The following MCTP1 variants were observed in gnomAD, a reference collection of about 807,000 sequenced individuals.
The protein encoded by MCTP1 is multiple C2 and transmembrane domain-containing protein 1.
Under a neutral mutation model 120.6 loss-of-function variants are expected in MCTP1, and 69 were observed. The observed-to-expected ratio is 0.57, with a 90% CI of 0.47 to 0.70. MCTP1 has a LOEUF of 0.70. Ranked by LOEUF, MCTP1 falls within the 30% of genes least tolerant of loss-of-function variation. MCTP1 has a pLI of 0.00. For synonymous variants in MCTP1, 529 were observed against 493.1 expected (o/e 1.07, Z -0.96); for missense variants, 1,203 against 1,248.8 (o/e 0.96, Z 0.55).
chr5:94,739,153 T>C (rs1218970412), intron 19 of MCTP1: 1 of 152,268 alleles, frequency 6.6e-6, no homozygotes, highest in African/African-American at 2.4e-5. Context: ...CATTTCACTT[T>C]GTATTTGCAG....
chr5:94,955,175 C>A (rs1822245193), intron 2 of MCTP1, among the ~76,000 whole-genome samples: 4 of 152,158 alleles, frequency 2.6e-5, no homozygotes, highest in Non-Finnish European at 5.9e-5. Flanking sequence ...TCGGGGAACT[C>A]CTTCCCCTAC....
chr5:94,875,586 A>G (rs1165163505), intron 12 of MCTP1, among the ~76,000 whole-genome samples: 2 of 152,002 alleles, frequency 1.3e-5, no homozygotes, highest in Non-Finnish European at 2.9e-5. Context: ...AAGAGTTAGG[A>G]GGCAATTGCA....
chr5:94,951,660 T>C (rs1218715865), intron 3 of MCTP1, among the ~76,000 whole-genome samples: 1 of 152,186 alleles, frequency 6.6e-6, no homozygotes, highest in Non-Finnish European at 1.5e-5. Context: ...ACTTGTCTTT[T>C]CTTTATTCCT....
In MCTP1 at chr5:94,780,116, G is replaced by T. The variant is rs536588359; in HGVS notation, c.2557-953C>A. On this transcript the variant is annotated intron_variant, in intron 18 of 22. Transcript: ENST00000515393. ...ACCCAACTTATTGTGTTTGACATTT[G>T]ATATGGTTTTTAAATTCCTGTGTCT... 1.4e-3 allele frequency among the ~76,000 whole-genome samples: 214 copies of T among 151,200 alleles called. 1 individual carries two copies. Among genetic ancestry groups the T allele is most frequent in the Middle Eastern group, 6.8e-3 (2 of 292 alleles).
intron 1 of MCTP1, among the ~76,000 whole-genome samples, chr5:95,053,248 T>A (rs903878803): frequency 2.0e-5 from 3 of 152,168 alleles, no homozygotes; most frequent in African/African-American, 7.2e-5. Context: ...TAAGCATATC[T>A]CCACCCCCAC....
intron 2 of MCTP1, among the ~76,000 whole-genome samples, chr5:94,958,334 C>T (rs574394919): frequency 3.3e-5 from 5 of 152,088 alleles, no homozygotes; most frequent in African/African-American, 4.8e-5. Context: ...CTAAAATTGA[C>T]GCCCTAACAT....
At chr5:94,833,450 C>T (rs911231446) in intron 17 of MCTP1, among the ~76,000 whole-genome samples, 2 of 151,854 alleles carry the variant, frequency 1.3e-5, no homozygotes, top group African/African-American at 4.8e-5. Context: ...GTAATATGGC[C>T]CAATTATGTG....
At chr5:95,061,408 G>T (rs1328823165) in intron 1 of MCTP1, among the ~76,000 whole-genome samples, 1 of 33,488 alleles carries the variant, frequency 3.0e-5, no homozygotes, top group Non-Finnish European at 6.2e-5. Context: ...CCCCTTAAGG[G>T]TTTTTTTTTT....
At chr5:94,970,324 A>C in intron 2 of MCTP1, among the ~76,000 whole-genome samples, 1 of 152,030 alleles carries the variant, frequency 6.6e-6, no homozygotes. Flanking sequence ...ATACTTATTC[A>C]TACAACTTAT....
At chr5:95,247,037 G>A (rs1260257129) in intron 1 of MCTP1, among the ~76,000 whole-genome samples, 2 of 152,018 alleles carry the variant, frequency 1.3e-5, no homozygotes, top group Non-Finnish European at 2.9e-5. Context: ...TTTTTTGGTT[G>A]GTAAGCTATT....
At chr5:95,231,780 C>G (rs563220177) in intron 1 of MCTP1, among the ~76,000 whole-genome samples, 4 of 151,932 alleles carry the variant, frequency 2.6e-5, no homozygotes, top group African/African-American at 7.3e-5. Flanking sequence ...GAATTTTCAA[C>G]AGAGACATAA....
intron 1 of MCTP1, among the ~76,000 whole-genome samples, chr5:95,217,370 C>A (rs1256522735): frequency 6.6e-6 from 1 of 152,250 alleles, no homozygotes; most frequent in Admixed American, 6.5e-5. Context: ...AACTCCTTAT[C>A]GAAGCACTTA....
At chr5:95,014,215 G>A (rs867260466) in intron 2 of MCTP1, among the ~76,000 whole-genome samples, 1 of 152,082 alleles carries the variant, frequency 6.6e-6, no homozygotes, top group African/African-American at 2.4e-5. Flanking sequence ...GTATGTTTGT[G>A]CTACTGCACT....
intron 1 of MCTP1, among the ~76,000 whole-genome samples, chr5:95,277,231 A>T (rs1003903762): frequency 1.1e-4 from 17 of 152,178 alleles, no homozygotes; most frequent in African/African-American, 4.1e-4. Flanking sequence ...CGGAGACCTC[A>T]GAAGTAGGAT....
At chr5:94,868,721 G>A (rs564231403) in intron 16 of MCTP1, among the ~76,000 whole-genome samples, 2 of 151,802 alleles carry the variant, frequency 1.3e-5, no homozygotes, top group Non-Finnish European at 2.9e-5. Context: ...ATTTCTAACA[G>A]ACTAAAATTT....
At position 95,284,537 on chromosome 5, in the gene MCTP1, C is replaced by A; in HGVS notation, c.39G>T (p.Pro13=). Residue 13 remains proline (P), a synonymous_variant, in exon 1 of 23, where the codon CCG becomes CCT. Coordinates refer to ENST00000515393, the MANE Select transcript of MCTP1 (RefSeq NM_024717.7). This position sits in a 1 kb window ranked among gnomAD's most constrained non-coding sequence, Gnocchi z 5.2. ...PRAAAAGEPE[P]PAASSSFQAR... ...CCTGGAAGGAGGAGGACGCCGCCGG[C>A]GGCTCTGGCTCGCCCGCCGCGGCAG... is the stretch of plus-strand genomic sequence containing the variant. The A allele has an allele frequency of 6.7e-7, 1 of 1,487,696 alleles. No homozygotes were observed. The highest frequency in any genetic ancestry group is 8.9e-7 in the Non-Finnish European group (1 of 1,127,886). 92.2% of individuals were successfully genotyped at this position (1,487,696 alleles called of 1,614,324 possible).
intron 1 of MCTP1, among the ~76,000 whole-genome samples, chr5:95,160,863 T>C (rs1454033617): frequency 1.3e-5 from 2 of 152,086 alleles, no homozygotes; most frequent in Non-Finnish European, 2.9e-5. Context: ...TGCCTATCAC[T>C]AATAATCAGG....
chr5:95,157,175 G>T (rs947303631), intron 1 of MCTP1, among the ~76,000 whole-genome samples: 1 of 152,108 alleles, frequency 6.6e-6, no homozygotes, highest in Admixed American at 6.6e-5. Flanking sequence ...GGTTAAAATA[G>T]TCTTCAGAAA....
At chr5:94,763,181 C>T (rs1326562687) in intron 19 of MCTP1, among the ~76,000 whole-genome samples, 1 of 152,190 alleles carries the variant, frequency 6.6e-6, no homozygotes, top group Non-Finnish European at 1.5e-5. Context: ...TACTTCAAGT[C>T]TCATTTCCTT....
Sources: allele counts gnomAD v4.1 joint callset (sites outside exome capture counted in the v4.1 genomes callset), GRCh38; gene constraint gnomAD v4.1.1; non-coding constraint Gnocchi (gnomAD v3.1); transcripts MANE v1.5; gene names NCBI Gene and HGNC (gene_info 2026-07-23, HGNC 2026-07-21).